COL26A1: variants seen among roughly 807,000 people sequenced by gnomAD.
COL26A1 encodes collagen type XXVI alpha 1 chain.
COL26A1 carries 41 observed loss-of-function variants against 59.3 expected under a neutral mutation model. That is an observed-to-expected ratio of 0.69 (90% confidence interval 0.54 to 0.90). The LOEUF is 0.90. Ranked by LOEUF, COL26A1 falls within the 40% of genes least tolerant of loss-of-function variation. The pLI is 0.00. For missense variants in COL26A1, 612 were observed against 602.3 expected (o/e 1.02, Z -0.17); for synonymous variants, 266 against 256.0 (o/e 1.04, Z -0.37).
At chr7:101,438,915 C>T (rs1427737616) in intron 2 of COL26A1, among the ~76,000 whole-genome samples, 1 of 143,690 alleles carries the variant, frequency 7.0e-6, no homozygotes, top group Non-Finnish European at 1.6e-5. Flanking sequence ...AACTCCAAGA[C>T]GATCCACCCG....
At chr7:101,401,904 CCT>C (rs1336496833) in intron 1 of COL26A1, among the ~76,000 whole-genome samples, 8 of 152,148 alleles carry the variant, frequency 5.3e-5, no homozygotes, top group Non-Finnish European at 1.0e-4. Flanking sequence ...AGCCACGTTT[CCT>C]CTCTGCCTGC....
Position 101,533,130 on chromosome 7 carries a change from C to T in COL26A1, c.434C>T (p.Thr145Ile). 6.2e-7 allele frequency: 1 copy of T among 1,605,284 alleles called. No individual in the cohort carries two copies. Among genetic ancestry groups the T allele is most frequent in the Non-Finnish European group, 8.5e-7 (1 of 1,176,942 alleles). ...AGTGACATGAGTGAGCGACTGACCA[C>T]ACTGGAGGCCAAGGTCAGTCGGGCT... Reference protein sequence around the residue: ...RLSDMSERLTTLEAKVLLLEA... With the variant: ...RLSDMSERLTILEAKVLLLEA... Residue 145 changes from threonine (T) to isoleucine (I), a missense_variant, in exon 4 of 13, where the codon ACA (threonine) becomes ATA (isoleucine). Transcript: ENST00000313669.
chr7:101,453,850 A>G (rs181737969), intron 3 of COL26A1, among the ~76,000 whole-genome samples: 9 of 152,264 alleles, frequency 5.9e-5, no homozygotes, highest in Non-Finnish European at 1.3e-4. Context: ...CCGCACCATT[A>G]ATTCCCTTTT....
At chr7:101,415,921 C>CCATGCCTGGTCAGAATTTTT (rs1470889068) in intron 1 of COL26A1, among the ~76,000 whole-genome samples, 16 of 145,674 alleles carry the variant, frequency 1.1e-4, no homozygotes, top group Admixed American at 2.0e-4. Flanking sequence ...GCGTGAGCCA[C>CCATGCCTGGTCAGAATTTTT]TGCACCCAAC....
At chr7:101,492,860 C>T (rs906918874) in intron 3 of COL26A1, among the ~76,000 whole-genome samples, 1 of 151,824 alleles carries the variant, frequency 6.6e-6, no homozygotes, top group Non-Finnish European at 1.5e-5. Context: ...CCATCTCAGC[C>T]TCCAAAGTAG....
intron 3 of COL26A1, among the ~76,000 whole-genome samples, chr7:101,491,399 G>A (rs1794457418): frequency 6.6e-6 from 1 of 152,130 alleles, no homozygotes; most frequent in East Asian, 1.9e-4. Context: ...TTACAAGAAA[G>A]GGGTCCCAAT....
chr7:101,413,193 C>T (rs114079925), intron 1 of COL26A1, among the ~76,000 whole-genome samples: 2,603 of 152,212 alleles, frequency 0.017, 68 homozygotes, highest in African/African-American at 0.06. Flanking sequence ...TTGCTCCTCC[C>T]CCTAGGTGAA....
chr7:101,454,554 C>T (rs1354337581), intron 3 of COL26A1, among the ~76,000 whole-genome samples: 3 of 152,032 alleles, frequency 2.0e-5, no homozygotes, highest in African/African-American at 4.8e-5. Context: ...CCACCGCACC[C>T]GGCCAAGTGT....
At chr7:101,469,183 A>T (rs1032323327) in intron 3 of COL26A1, among the ~76,000 whole-genome samples, 1 of 152,192 alleles carries the variant, frequency 6.6e-6, no homozygotes, top group Non-Finnish European at 1.5e-5. Context: ...TGCTGTGCAG[A>T]CACACAGCCC....
intron 1 of COL26A1, among the ~76,000 whole-genome samples, chr7:101,377,769 C>G (rs1279964883): frequency 2.0e-5 from 3 of 152,140 alleles, no homozygotes; most frequent in Non-Finnish European, 2.9e-5. Context: ...CAGCAACTTC[C>G]CTTCATTGCT....
chr7:101,539,943 G>T lies in COL26A1; in HGVS notation c.498G>T (p.Leu166=), dbSNP rs1163241459. Residue 166 remains leucine, a synonymous_variant, in exon 5 of 13, where the codon CTG becomes CTT. Coordinates refer to ENST00000313669, the MANE Select transcript of COL26A1 (RefSeq NM_001278563.3). ...AERPSSPDND[L]PAPESTPPTW... ...GGCCCTCCAGCCCGGACAACGACCT[G>T]CCAGCCCCCGAGAGCACTCCGCCGA... The T allele has an allele frequency of 1.9e-6, 3 of 1,613,514 alleles. No individual in the cohort carries two copies. Among genetic ancestry groups the T allele is most frequent in the Non-Finnish European group, 8.5e-7 (1 of 1,179,822 alleles).
chr7:101,371,610 A>C (rs542534239), intron 1 of COL26A1, among the ~76,000 whole-genome samples: 1 of 151,112 alleles, frequency 6.6e-6, no homozygotes, highest in Admixed American at 6.6e-5. Flanking sequence ...ATATAGTCAG[A>C]CCCTGTCTTT....
chr7:101,384,787 C>T (rs1791528889), intron 1 of COL26A1, among the ~76,000 whole-genome samples: 1 of 152,088 alleles, frequency 6.6e-6, no homozygotes, highest in Admixed American at 6.5e-5. Context: ...CCATAATAAG[C>T]CGTCTACAAG....
At chr7:101,552,949 G>GA (rs1019645940) in intron 10 of COL26A1, among the ~76,000 whole-genome samples, 1 of 152,142 alleles carries the variant, frequency 6.6e-6, no homozygotes, top group African/African-American at 2.4e-5. Context: ...ATGTGACTTT[G>GA]AATCTGGTAT....
intron 2 of COL26A1, among the ~76,000 whole-genome samples, chr7:101,437,431 T>A (rs2130344200): frequency 7.5e-6 from 1 of 132,812 alleles, no homozygotes; most frequent in South Asian, 2.4e-4. Context: ...TTCTGAATGC[T>A]GGTGGAATTC....
intron 10 of COL26A1, among the ~76,000 whole-genome samples, chr7:101,552,766 ACATGGTGGCG>A (rs1795886741): frequency 6.6e-6 from 1 of 151,082 alleles, no homozygotes; most frequent in African/African-American, 2.4e-5. Context: ...AATTAGCCAG[ACATGGTGGCG>A]CATGCCTGTA....
At chr7:101,546,910 A>G (rs1795747680) in intron 7 of COL26A1, among the ~76,000 whole-genome samples, 1 of 152,096 alleles carries the variant, frequency 6.6e-6, no homozygotes. Flanking sequence ...AAGAGCCTGG[A>G]ATGTTCTAGA....
At chr7:101,370,962 C>A (rs1158146836) in intron 1 of COL26A1, among the ~76,000 whole-genome samples, 1 of 94,700 alleles carries the variant, frequency 1.1e-5, no homozygotes, top group East Asian at 3.8e-4. Context: ...CTAGAACTCA[C>A]TTCCCCAGTT....
At chr7:101,467,361 C>CG (rs1793788710) in intron 3 of COL26A1, among the ~76,000 whole-genome samples, 1 of 60,528 alleles carries the variant, frequency 1.7e-5, no homozygotes, top group Non-Finnish European at 3.7e-5. Flanking sequence ...ATGCACAGGG[C>CG]GGGGGGAGGA....
Sources: gnomAD v4.1 joint callset for allele counts (sites outside exome capture counted in the v4.1 genomes callset) on GRCh38, gnomAD v4.1.1 for gene constraint, MANE v1.5 for transcripts, NCBI Gene and HGNC (gene_info 2026-07-23, HGNC 2026-07-21) for gene names.